The following RHBDD1 variants were observed in gnomAD, a reference collection of about 807,000 sequenced individuals.
RHBDD1 encodes rhomboid domain containing 1, also known as rhomboid-related protein 4.
In RHBDD1, 38 loss-of-function variants were observed where a neutral mutation model predicts 36.3. The ratio of observed to expected loss-of-function variants is 1.05; its 90% CI spans 0.81 to 1.37. RHBDD1 has a LOEUF of 1.37. Ranked by LOEUF, RHBDD1 falls within the 40% of genes most tolerant of loss-of-function variation. The pLI, the probability that RHBDD1 is intolerant of heterozygous loss-of-function variation, is 0.00. For missense variants in RHBDD1, 393 were observed against 377.6 expected, an observed-to-expected ratio of 1.04 and a Z score of -0.34; for synonymous variants, 151 against 136.5, an observed-to-expected ratio of 1.11 and a Z score of -0.74.
chr2:226,909,966 A>G (rs1386050050), intron 7 of RHBDD1, among the ~76,000 whole-genome samples: 4 of 152,254 alleles, frequency 2.6e-5, no homozygotes, highest in African/African-American at 7.2e-5. Flanking sequence ...TTTATTGGCC[A>G]TATAATCTCT....
intron 8 of RHBDD1, among the ~76,000 whole-genome samples, chr2:226,970,426 A>G (rs1031981968): frequency 4.6e-5 from 7 of 152,134 alleles, no homozygotes; most frequent in South Asian, 2.1e-4. Context: ...GTCTCATGAT[A>G]TGAGTCTCAT....
the RHBDD1 span, among the ~76,000 whole-genome samples, chr2:226,810,625 T>G: frequency 6.7e-6 from 1 of 149,444 alleles, no homozygotes; most frequent in Non-Finnish European, 1.5e-5. Context: ...TAAGTGAAAG[T>G]GGAGCATCCT....
intron 8 of RHBDD1, among the ~76,000 whole-genome samples, chr2:226,914,914 T>C (rs538792885): frequency 1.1e-4 from 16 of 152,228 alleles, no homozygotes; most frequent in African/African-American, 3.9e-4. Context: ...TTGTTCTAGG[T>C]TTGGATTATG....
the RHBDD1 span, among the ~76,000 whole-genome samples, chr2:226,803,308 ATG>A: frequency 0.013 from 1,959 of 149,058 alleles, 23 homozygotes; most frequent in South Asian, 0.045. Flanking sequence ...GATGACTAAA[ATG>A]TGTGTGTGTG....
At chr2:226,911,541 CTTTTTTTT>C (rs869309466) in intron 7 of RHBDD1, among the ~76,000 whole-genome samples, 1 of 71,436 alleles carries the variant, frequency 1.4e-5, no homozygotes, top group African/African-American at 4.5e-5. Context: ...TGTGAAAGTT[CTTTTTTTT>C]TTTTTTTTTT....
intron 7 of RHBDD1, among the ~76,000 whole-genome samples, chr2:226,913,988 C>T (rs1317005550): frequency 6.6e-6 from 1 of 152,178 alleles, no homozygotes; most frequent in African/African-American, 2.4e-5. Flanking sequence ...ATCTCCTTTC[C>T]TCATTAGCAC....
intron 8 of RHBDD1, among the ~76,000 whole-genome samples, chr2:226,961,615 G>T (rs1023524428): frequency 1.3e-5 from 2 of 152,078 alleles, no homozygotes; most frequent in African/African-American, 4.8e-5. Context: ...AACGGAATGA[G>T]TGATGGAGTC....
At chr2:226,803,773 ATC>A in the RHBDD1 span, among the ~76,000 whole-genome samples, 1 of 152,202 alleles carries the variant, frequency 6.6e-6, no homozygotes, top group Non-Finnish European at 1.5e-5. Context: ...AAAATCTTTC[ATC>A]TGTTTTATTT....
At chr2:226,936,044 T>TA (rs1491200876) in intron 8 of RHBDD1, among the ~76,000 whole-genome samples, 1 of 152,100 alleles carries the variant, frequency 6.6e-6, no homozygotes, top group Non-Finnish European at 1.5e-5. Flanking sequence ...TTCTTTTTTT[T>TA]AAAAAGTAAT....
In RHBDD1 at chr2:226,995,336, C is replaced by T. The variant is rs193231372; in HGVS notation, c.857-95C>T. 25 of 743,316 alleles carry T rather than the reference C, an allele frequency of 3.4e-5. No homozygotes were observed. In the African/African-American group the frequency reaches 3.7e-4, roughly 11 times the overall value. 46.0% of individuals were successfully genotyped at this position (743,316 alleles called of 1,614,324 possible). On this transcript the variant is annotated intron_variant, in intron 8 of 8. Coordinates refer to ENST00000392062, the MANE Select transcript of RHBDD1 (RefSeq NM_001167608.3). ...CTGTTTTGTGTTAAAATGAAGATGACACCCAAGCTATCACTTTGTTCCCTT... is the reference window on the plus strand; with the variant it reads ...CTGTTTTGTGTTAAAATGAAGATGATACCCAAGCTATCACTTTGTTCCCTT...
chr2:226,849,167 A>C (rs564630181), intron 3 of RHBDD1, among the ~76,000 whole-genome samples: 1 of 152,362 alleles, frequency 6.6e-6, no homozygotes, highest in African/African-American at 2.4e-5. Context: ...CATGGTGGGA[A>C]ACTGAGACTT....
At chr2:226,943,165 T>C (rs986311249) in intron 8 of RHBDD1, among the ~76,000 whole-genome samples, 3 of 152,226 alleles carry the variant, frequency 2.0e-5, no homozygotes, top group Non-Finnish European at 4.4e-5. Flanking sequence ...TACTTAGTTA[T>C]GGAGAGCCAG....
the RHBDD1 span, among the ~76,000 whole-genome samples, chr2:226,826,492 C>T: frequency 1.3e-5 from 2 of 151,306 alleles, no homozygotes; most frequent in Non-Finnish European, 2.9e-5. Flanking sequence ...ACAGGATTCT[C>T]CTGGCTGTAG....
At chr2:226,863,537 G>A (rs963680759) in intron 3 of RHBDD1, among the ~76,000 whole-genome samples, 1 of 152,136 alleles carries the variant, frequency 6.6e-6, no homozygotes, top group Non-Finnish European at 1.5e-5. Context: ...AATTAGGCTG[G>A]GCTCAGCGAG....
Position 226,974,069 on chromosome 2 carries a change from G to A in RHBDD1, c.857-21362G>A, listed in dbSNP as rs530160070. Reference sequence around the variant, plus strand: ...TGTCAGGCTTTGACAGATGGCCGGCGTTTGTCTCACCTGCGATTCCTTTTT... The same window carrying A: ...TGTCAGGCTTTGACAGATGGCCGGCATTTGTCTCACCTGCGATTCCTTTTT... On this transcript the variant is annotated intron_variant, in intron 8 of 8. Transcript: ENST00000392062. Among the ~76,000 whole-genome samples, 5 of 152,146 alleles carry A rather than the reference G, an allele frequency of 3.3e-5. No homozygotes were observed. The East Asian group carries it at 5.8e-4, about 18-fold the overall frequency.
intron 8 of RHBDD1, among the ~76,000 whole-genome samples, chr2:226,961,693 A>C (rs975875098): frequency 3.3e-5 from 5 of 152,130 alleles, no homozygotes; most frequent in Admixed American, 2.0e-4. Flanking sequence ...CCTATATCTA[A>C]TTTTAGGAAT....
At chr2:226,905,089 C>T (rs983533725) in intron 5 of RHBDD1, among the ~76,000 whole-genome samples, 2 of 151,684 alleles carry the variant, frequency 1.3e-5, no homozygotes, top group African/African-American at 4.8e-5. Flanking sequence ...TCTTTCATAA[C>T]TTTCAGTTTC....
At chr2:226,908,621 AT>A in intron 6 of RHBDD1, 200 bp from the exon 7 acceptor site, 11 of 554,448 alleles carry the variant, frequency 2.0e-5, no homozygotes, top group Non-Finnish European at 3.2e-5. Context: ...ACACACACAC[AT>A]TCTTTTCCCT....
intron 1 of RHBDD1, 199 bp downstream of exon 1, chr2:226,836,286 G>A (rs1377519662): frequency 6.6e-6 from 1 of 152,450 alleles, no homozygotes; most frequent in Non-Finnish European, 1.5e-5. Context: ...CCGAGAGCGG[G>A]GAGGGCGTTT....
Sources: gnomAD v4.1 joint callset for allele counts (sites outside exome capture counted in the v4.1 genomes callset) on GRCh38, gnomAD v4.1.1 for gene constraint, MANE v1.5 for transcripts, NCBI Gene and HGNC (gene_info 2026-07-23, HGNC 2026-07-21) for gene names.